USP6: variants seen among roughly 807,000 people sequenced by gnomAD.
USP6 encodes the protein ubiquitin carboxyl-terminal hydrolase 6.
USP6 carries 128 observed loss-of-function variants against 175.7 expected under a neutral mutation model. The ratio of observed to expected loss-of-function variants is 0.73; its 90% CI spans 0.63 to 0.84. USP6 has a LOEUF of 0.84. USP6 is among the 40% of genes least tolerant of loss of function. The probability of loss-of-function intolerance (pLI) is 0.00; values close to 1 mark genes in which losing one functional copy is unlikely to be tolerated. For synonymous variants in USP6, 562 were observed against 630.6 expected, an observed-to-expected ratio of 0.89 and a Z score of 1.63; for missense variants, 1,498 against 1,760.3, an observed-to-expected ratio of 0.85 and a Z score of 2.67.
In USP6 at chr17:5,148,556, A is replaced by T; in HGVS notation, c.2432A>T (p.Asp811Val). The change falls in exon 30 of 38, where the codon GAT becomes GTT. Residue 811 changes from aspartate to valine, a missense_variant and splice_region_variant. Physicochemically the swap from Asp to Val is radical, Grantham distance 152. Transcript: ENST00000574788. ...GCTGTACTTATCTTTGAATTTGTAG[A>T]TTTCTCCTCTTCACCATCTACAAAT... Reference protein sequence around the residue: ...PISASSPTQIDFSSSPSTNGM... With the variant: ...PISASSPTQIVFSSSPSTNGM... The T allele has an allele frequency of 3.7e-6, 6 of 1,613,926 alleles. No individual in the cohort carries two copies. Among genetic ancestry groups the T allele is most frequent in the Non-Finnish European group, 5.1e-6 (6 of 1,179,856 alleles).
chr17:5,142,444 A>T lies in USP6; in HGVS notation c.1760A>T (p.Asp587Val). The T allele has an allele frequency of 6.2e-7, 1 of 1,613,970 alleles. No homozygotes were observed. The highest frequency in any genetic ancestry group is 8.5e-7 in the Non-Finnish European group (1 of 1,179,844). Residue 587 changes from aspartate (D) to valine (V), a missense_variant, in exon 25 of 38, where the codon GAT becomes GTT. Transcript: ENST00000574788. ...GGGCATATGGCTAAATGCTATGGTG[A>T]TTTAGTGCAGGAACTCTGGAGTGGA... ...MKGHMAKCYG[D>V]LVQELWSGTQ...
Position 5,167,941 on chromosome 17 carries a change from A to G in USP6, c.3046A>G (p.Lys1016Glu), listed in dbSNP as rs141413558. 1,619 of 1,611,160 alleles carry G rather than the reference A, an allele frequency of 1.0e-3. 24 individuals carry two copies. In the East Asian group the frequency reaches 0.027, roughly 27 times the overall value. ...YQTSQERVVD[K>E]HESVEQSRRA... ...TTCCCTCTACCTACAGGTTGTAGAT[A>G]AGCATGAGAGTGTGGAGCAGAGTCG... Residue 1016 changes from lysine (K) to glutamate (E), a missense_variant, in exon 34 of 38, where the codon AAG becomes GAG. By Grantham distance (56) the Lys-to-Glu change is moderately conservative. This residue lies in a region of USP6 where 1,217 missense variants were observed against 1,500.8 expected (regional missense o/e 0.81). Transcript: ENST00000574788.
intron 31 of USP6, among the ~76,000 whole-genome samples, chr17:5,160,015 A>C (rs948251065): frequency 6.6e-6 from 1 of 152,054 alleles, no homozygotes; most frequent in Non-Finnish European, 1.5e-5. Context: ...AGGATTCTCA[A>C]GAAAGCCAGG....
intron 30 of USP6, 135 bp downstream of exon 30, chr17:5,148,902 A>G: frequency 7.1e-7 from 1 of 1,415,656 alleles, no homozygotes; most frequent in Non-Finnish European, 9.3e-7. Flanking sequence ...TAATACTTTT[A>G]CAAATTTTAT....
At chr17:5,122,395 T>G (rs1259895677) in intron 4 of USP6, among the ~76,000 whole-genome samples, 1 of 152,008 alleles carries the variant, frequency 6.6e-6, no homozygotes. Flanking sequence ...GTGGGAAGGG[T>G]GATCAGGCCT....
intron 21 of USP6, chr17:5,138,882 C>T (rs966604278): frequency 9.8e-5 from 80 of 815,964 alleles, no homozygotes; most frequent in Non-Finnish European, 1.3e-4. Flanking sequence ...TCACCCACTG[C>T]GGAGACAGGT....
intron 4 of USP6, chr17:5,122,974 T>TA (rs2072743969): frequency 6.6e-6 from 1 of 152,664 alleles, no homozygotes; most frequent in East Asian, 1.9e-4. Flanking sequence ...GTTGGAAACT[T>TA]ACTGCAATCG....
chr17:5,166,179 A>T (rs990064638), intron 33 of USP6, among the ~76,000 whole-genome samples: 1 of 152,102 alleles, frequency 6.6e-6, no homozygotes, highest in Non-Finnish European at 1.5e-5. Context: ...GACAGTTAAT[A>T]TCTTGTTACT....
chr17:5,168,380 T>C (rs750904286), intron 34 of USP6, among the ~76,000 whole-genome samples: 7 of 152,242 alleles, frequency 4.6e-5, no homozygotes, highest in African/African-American at 1.7e-4. Flanking sequence ...TTCAGTGCGA[T>C]GTGAGAACTG....
rs2074260820 is a variant in USP6, at chr17:5,172,977, A to G, written c.4220A>G (p.Ter1407=). 1 of 1,613,606 alleles carries G rather than the reference A, an allele frequency of 6.2e-7. No homozygotes were observed. Among genetic ancestry groups the G allele is most frequent in the Admixed American group, 1.7e-5 (1 of 59,998 alleles). ...SDYEKYSMLQ[*] Reference sequence around the variant, plus strand: ...TACGAAAAGTACTCTATGTTACAGTAAAGCTACCACTCTGGCTGCTAGACA... The same window carrying G: ...TACGAAAAGTACTCTATGTTACAGTGAAGCTACCACTCTGGCTGCTAGACA... The change falls in exon 38 of 38, where the codon TAA becomes TGA. Residue 1407 remains the stop codon, a stop_retained_variant. Coordinates refer to ENST00000574788, the MANE Select transcript of USP6 (RefSeq NM_001304284.2).
chr17:5,124,764 T>G lies in USP6; in HGVS notation c.-1100T>G, dbSNP rs527995862. On this transcript the variant is annotated 5_prime_UTR_variant, in exon 5 of 38. Transcript: ENST00000574788. ...GTACTGTAAAACAGCCCTGGGAAAC[T>G]AACGCAGCCTGTTAGCCCACAGATG... 6.6e-6 allele frequency: 1 copy of G among 152,292 alleles called. No homozygotes were observed. Among genetic ancestry groups the G allele is most frequent in the East Asian group, 1.9e-4 (1 of 5,178 alleles). 9.4% of individuals were successfully genotyped at this position (152,292 alleles called of 1,614,324 possible).
At chr17:5,135,545 G>A (rs773969646) in intron 16 of USP6, among the ~76,000 whole-genome samples, 7 of 152,174 alleles carry the variant, frequency 4.6e-5, no homozygotes, top group South Asian at 2.1e-4. Context: ...AAGAAATGAC[G>A]CCCTCCTCCT....
rs552007959 is a variant in USP6, at chr17:5,122,122, C to T, written c.-1299+372C>T. ...AGCAGGGAGTGTGGCCAGAGAAGTC[C>T]TGCGGGGTGGAGGGTGGGTCGGTGG... is the stretch of plus-strand genomic sequence containing the variant. On this transcript the variant is annotated intron_variant, in intron 4 of 37. Coordinates refer to ENST00000574788, the MANE Select transcript of USP6 (RefSeq NM_001304284.2). Among the ~76,000 whole-genome samples the T allele has an allele frequency of 3.6e-3, 529 of 145,580 alleles. 1 individual carries two copies. The highest frequency in any genetic ancestry group is 5.8e-3 in the Non-Finnish European group (388 of 66,868).
intron 33 of USP6, among the ~76,000 whole-genome samples, chr17:5,163,546 C>T (rs2144132772): frequency 6.6e-6 from 1 of 152,290 alleles, no homozygotes. Context: ...CCTACTAGGC[C>T]CCACCTCCTA....
chr17:5,160,764 A>T (rs2073990021), intron 31 of USP6, among the ~76,000 whole-genome samples: 1 of 152,310 alleles, frequency 6.6e-6, no homozygotes, highest in East Asian at 1.9e-4. Context: ...TGCTGGGTCA[A>T]ATGGTATTTC....
intron 4 of USP6, among the ~76,000 whole-genome samples, chr17:5,124,343 G>A (rs2072820955): frequency 6.6e-6 from 1 of 152,086 alleles, no homozygotes. Context: ...CACATAATCG[G>A]GTCACTAAAC....
chr17:5,134,941 G>T, intron 15 of USP6: 1 of 386,290 alleles, frequency 2.6e-6, no homozygotes, highest in Non-Finnish European at 5.0e-6. Context: ...ACATTGGTTT[G>T]GAACCATGGA....
intron 33 of USP6, among the ~76,000 whole-genome samples, chr17:5,166,799 T>C (rs1023212602): frequency 1.6e-4 from 25 of 152,066 alleles, no homozygotes; most frequent in African/African-American, 5.3e-4. Flanking sequence ...TGCTGCATTC[T>C]AGATCCTTCC....
chr17:5,126,720 C>T (rs2072906174), intron 6 of USP6: 1 of 152,308 alleles, frequency 6.6e-6, no homozygotes, highest in Non-Finnish European at 1.5e-5. Flanking sequence ...CTCCTCATCT[C>T]GCTTCATGCC....
Sources: allele counts gnomAD v4.1 joint callset (sites outside exome capture counted in the v4.1 genomes callset), GRCh38; gene constraint gnomAD v4.1.1; regional missense constraint gnomAD v4.1.1; transcripts MANE v1.5; gene names NCBI Gene and HGNC (gene_info 2026-07-23, HGNC 2026-07-21).